Variants in ZCWPW1 observed in about 807,000 individuals in gnomAD.
The protein encoded by ZCWPW1 is zinc finger CW-type PWWP domain protein 1.
ZCWPW1 carries 56 observed loss-of-function variants against 81.3 expected under a neutral mutation model. The ratio of observed to expected loss-of-function variants is 0.69; its 90% CI spans 0.56 to 0.86. The LOEUF is 0.86. ZCWPW1 is among the 40% of genes least tolerant of loss of function. The pLI, the probability that ZCWPW1 is intolerant of heterozygous loss-of-function variation, is 0.00. For synonymous variants in ZCWPW1, 250 were observed against 273.7 expected, an observed-to-expected ratio of 0.91 and a Z score of 0.86; for missense variants, 650 against 769.8, an observed-to-expected ratio of 0.84 and a Z score of 1.84.
chr7:100,428,287 CACCCGAGGGCGGTGCGCTCGCGG>C (rs1798116235), intron 1 of ZCWPW1, among the ~76,000 whole-genome samples: 1 of 152,288 alleles, frequency 6.6e-6, no homozygotes, highest in Admixed American at 6.5e-5. Flanking sequence ...GCACTAGCTC[CACCCGAGGGCGGTGCGCTCGCGG>C]GGCCGAGGCG....
chr7:100,426,216 G>T (rs368834302), intron 1 of ZCWPW1, among the ~76,000 whole-genome samples: 4 of 152,152 alleles, frequency 2.6e-5, no homozygotes, highest in African/African-American at 9.7e-5. Context: ...TATTTCAGCC[G>T]GGCGCAGTGG....
intron 8 of ZCWPW1, among the ~76,000 whole-genome samples, chr7:100,412,069 G>C (rs1172217533): frequency 6.6e-6 from 1 of 151,770 alleles, no homozygotes; most frequent in Non-Finnish European, 1.5e-5. Context: ...GATTTTACTG[G>C]CAAGCTTCCC....
At position 100,407,282 on chromosome 7, in the gene ZCWPW1, A is replaced by G; in HGVS notation, c.1014T>C (p.Ser338=). ...GAAAATATTCCCCTAAGTCAGGATC[A>G]GATTCTATCATGCCTGGCCACCTGG... ...GYPWWPGMIE[S]DPDLGEYFLF... The change falls in exon 11 of 18, where the codon TCT becomes TCC. Residue 338 remains serine, a synonymous_variant. Transcript: ENST00000684423. 6.2e-7 allele frequency: 1 copy of G among 1,613,900 alleles called. No homozygotes were observed. The highest frequency in any genetic ancestry group is 2.2e-5 in the East Asian group (1 of 44,890).
At chr7:100,422,887 C>T (rs1038693471) in intron 2 of ZCWPW1, among the ~76,000 whole-genome samples, 2 of 152,200 alleles carry the variant, frequency 1.3e-5, no homozygotes, top group African/African-American at 4.8e-5. Context: ...CCAGCTCTAT[C>T]CATGTTGCTG....
At chr7:100,419,591 A>C (rs768737965) in intron 4 of ZCWPW1, 39 bp downstream of exon 4, 11 of 1,572,324 alleles carry the variant, frequency 7.0e-6, no homozygotes, top group Non-Finnish European at 9.5e-6. Context: ...GTAAGGTATG[A>C]GAAAATCTCC....
intron 15 of ZCWPW1, 79 bp downstream of exon 15, chr7:100,403,615 G>A: frequency 7.6e-7 from 1 of 1,321,542 alleles, no homozygotes; most frequent in South Asian, 1.3e-5. Flanking sequence ...CCTAAGTCCA[G>A]GAGTTTGAGA....
chr7:100,409,703 A>G (rs1421420927), intron 8 of ZCWPW1, among the ~76,000 whole-genome samples, 159 bp from the exon 9 acceptor site: 1 of 152,222 alleles, frequency 6.6e-6, no homozygotes, highest in East Asian at 1.9e-4. Flanking sequence ...AGGGAAACCA[A>G]GGCTCAAAGA....
At chr7:100,404,353 C>A in intron 13 of ZCWPW1, 109 bp from the exon 14 acceptor site, 1 of 982,618 alleles carries the variant, frequency 1.0e-6, no homozygotes, top group East Asian at 2.6e-5. Context: ...ATTTTCCATA[C>A]CAAAATTATC....
rs991979385 is a variant in ZCWPW1 at position 100,419,127 on chromosome 7, G to C, written c.345C>G (p.Ser115=). ...ATGCCATACCCAAGCACTCCTGAAG[G>C]GACTTCTGCAGAACAATCTGGACAA... The part of the protein sequence containing the change: ...EEIVQIVLQK[S]LQECLGMGSG... The change falls in exon 5 of 18, where the codon TCC becomes TCG. Residue 115 remains serine, a synonymous_variant. Transcript: ENST00000684423. 3.7e-6 allele frequency: 6 copies of C among 1,612,928 alleles called. No homozygotes were observed. The African/African-American group carries it at 6.7e-5, about 18-fold the overall frequency.
Position 100,401,927 on chromosome 7 carries a change from C to G in ZCWPW1, c.1589G>C (p.Arg530Thr). The change falls in exon 17 of 18, where the codon AGG becomes ACG. Residue 530 changes from arginine to threonine, a missense_variant. Arg to Thr is a moderately conservative substitution (Grantham distance 71, BLOSUM62 -1). Transcript: ENST00000684423. ...ATCTGAATTCCCTTGGCCTTCTTTCCTTCCCATTCTGGGTGCAGGAGGAGC... is the reference window on the plus strand; with the variant it reads ...ATCTGAATTCCCTTGGCCTTCTTTCGTTCCCATTCTGGGTGCAGGAGGAGC... ...STAPPAPRMG[R>T]KEGQGNSDSD... 1.2e-6 allele frequency: 2 copies of G among 1,614,104 alleles called. No homozygotes were observed. The highest frequency in any genetic ancestry group is 1.7e-6 in the Non-Finnish European group (2 of 1,179,972).
chr7:100,407,749 C>T (rs917396949), intron 10 of ZCWPW1, among the ~76,000 whole-genome samples: 2 of 152,064 alleles, frequency 1.3e-5, no homozygotes, highest in African/African-American at 4.8e-5. Flanking sequence ...CCATCATCCC[C>T]CTCTAGTGGT....
intron 2 of ZCWPW1, among the ~76,000 whole-genome samples, chr7:100,421,826 G>A (rs1209040832): frequency 6.6e-6 from 1 of 152,042 alleles, no homozygotes; most frequent in Non-Finnish European, 1.5e-5. Context: ...CCGAGTAGCT[G>A]GGATTACAGG....
intron 1 of ZCWPW1, among the ~76,000 whole-genome samples, chr7:100,427,821 T>A (rs1020018992): frequency 6.6e-6 from 1 of 151,918 alleles, no homozygotes; most frequent in African/African-American, 2.4e-5. Flanking sequence ...TCACCCCTTA[T>A]TCTCTCTCAG....
chr7:100,402,703 T>C, intron 15 of ZCWPW1, 127 bp from the exon 16 acceptor site: 2 of 944,048 alleles, frequency 2.1e-6, no homozygotes, highest in Middle Eastern at 3.0e-4. Context: ...GAGCCTGATA[T>C]TGTTTAAATT....
At chr7:100,426,192 GTATT>G (rs1008132238) in intron 1 of ZCWPW1, among the ~76,000 whole-genome samples, 1 of 152,112 alleles carries the variant, frequency 6.6e-6, no homozygotes, top group African/African-American at 2.4e-5. Flanking sequence ...CAAAAAAGCG[GTATT>G]TAAAGAGTAT....
chr7:100,403,634 G>A, intron 15 of ZCWPW1, 60 bp downstream of exon 15: 2 of 1,485,892 alleles, frequency 1.3e-6, no homozygotes, highest in South Asian at 2.4e-5. Flanking sequence ...GACCAGCCTG[G>A]GCAACCTGGT....
At chr7:100,407,051 A>T (rs1793159747) in intron 11 of ZCWPW1, among the ~76,000 whole-genome samples, 177 bp downstream of exon 11, 2 of 152,192 alleles carry the variant, frequency 1.3e-5, no homozygotes, top group African/African-American at 4.8e-5. Flanking sequence ...AATTAGATAC[A>T]AGTTTGTTTC....
chr7:100,401,553 G>C (rs1791890546), intron 17 of ZCWPW1, among the ~76,000 whole-genome samples: 1 of 152,122 alleles, frequency 6.6e-6, no homozygotes, highest in South Asian at 2.1e-4. Flanking sequence ...TTGAGCCTCA[G>C]TTTTCTAATA....
chr7:100,406,904 G>A, intron 11 of ZCWPW1, 106 bp from the exon 12 acceptor site: 1 of 999,880 alleles, frequency 1.0e-6, no homozygotes, highest in Non-Finnish European at 1.5e-6. Flanking sequence ...AGGAGGTGCT[G>A]GGCCTCACAT....
Sources: gnomAD v4.1 joint callset for allele counts (sites outside exome capture counted in the v4.1 genomes callset) on GRCh38, gnomAD v4.1.1 for gene constraint, MANE v1.5 for transcripts, NCBI Gene and HGNC (gene_info 2026-07-23, HGNC 2026-07-21) for gene names.